Variants in MTA1 observed in about 807,000 individuals in gnomAD.
MTA1 encodes metastasis associated 1.
In MTA1, 15 loss-of-function variants were observed where a neutral mutation model predicts 97.0. The ratio of observed to expected loss-of-function variants is 0.15; its 90% confidence interval spans 0.10 to 0.24. MTA1 has a LOEUF of 0.24. Ranked by LOEUF, MTA1 falls within the 10% of genes least tolerant of loss-of-function variation. The pLI, the probability that MTA1 is intolerant of heterozygous loss-of-function variation, is 1.00. For missense variants in MTA1, 709 were observed against 1,015.1 expected (o/e 0.70, Z 4.10); for synonymous variants, 435 against 417.5 (o/e 1.04, Z -0.51).
At chr14:105,447,980 G>A (rs893800260) in intron 3 of MTA1, among the ~76,000 whole-genome samples, 2 of 152,172 alleles carry the variant, frequency 1.3e-5, no homozygotes, top group Non-Finnish European at 1.5e-5. Context: ...CTGCTGGGGC[G>A]TCCAGCCCAC....
intron 1 of MTA1, among the ~76,000 whole-genome samples, chr14:105,429,011 A>G (rs374478753): frequency 2.2e-4 from 33 of 152,324 alleles, no homozygotes; most frequent in Non-Finnish European, 3.8e-4. Flanking sequence ...GGCATGAGCC[A>G]TTGTGCCCAG....
At chr14:105,439,353 G>A (rs1329903077) in intron 2 of MTA1, among the ~76,000 whole-genome samples, 2 of 151,978 alleles carry the variant, frequency 1.3e-5, no homozygotes, top group Non-Finnish European at 2.9e-5. Context: ...TTTGGTCGGG[G>A]GACGTGGTTG....
At chr14:105,464,290 A>T (rs1241954754) in intron 13 of MTA1, 126 bp from the exon 14 acceptor site, 28 of 1,288,314 alleles carry the variant, frequency 2.2e-5, no homozygotes, top group South Asian at 2.8e-5. Context: ...TGTGGTTGGG[A>T]GAGCCTCGGG....
rs182113593 is a variant in MTA1 at position 105,452,401 on chromosome 14, G to A, written c.433-1792G>A. 6.2e-4 allele frequency among the ~76,000 whole-genome samples: 95 copies of A among 152,366 alleles called. 1 individual carries two copies. Among genetic ancestry groups the A allele is most frequent in the African/African-American group, 2.0e-3 (85 of 41,586 alleles). ...GTTTATTAATTTAAAGAAACAGGCC[G>A]GGTACAGTGGCTCATGCCTGTAATC... On this transcript the variant is annotated intron_variant, in intron 6 of 20. Coordinates refer to ENST00000331320, the MANE Select transcript of MTA1 (RefSeq NM_004689.4).
rs1002358145 is a variant in MTA1, at chr14:105,460,933, A to G, written c.922A>G (p.Thr308Ala). ...CCTGGAAAAATATGGGAAGGATTTC[A>G]CGGACATTCAGCAAGATTTTGTGAG... ...EALEKYGKDF[T>A]DIQQDFLPWK... Residue 308 changes from threonine (T) to alanine (A), a missense_variant, in exon 10 of 21, where the codon ACG becomes GCG. Physicochemically the swap from Thr to Ala is moderately conservative, Grantham distance 58. Transcript: ENST00000331320. 27 of 1,611,290 alleles carry G rather than the reference A, an allele frequency of 1.7e-5. No homozygotes were observed. The highest frequency in any genetic ancestry group is 2.3e-5 in the Non-Finnish European group (27 of 1,179,126).
Position 105,422,195 on chromosome 14 carries a change from T to G in MTA1, c.28+2132T>G, listed in dbSNP as rs950591280. 1.1e-4 allele frequency among the ~76,000 whole-genome samples: 17 copies of G among 152,030 alleles called. No individual in the cohort carries two copies. Among genetic ancestry groups the G allele is most frequent in the African/African-American group, 4.1e-4 (17 of 41,382 alleles). ...GGCCTCCCCCTCTCTACTCTGACTGTCCCTATAGGAGAAGCGGCATTTATC... is the reference window on the plus strand; with the variant it reads ...GGCCTCCCCCTCTCTACTCTGACTGGCCCTATAGGAGAAGCGGCATTTATC... On this transcript the variant is annotated intron_variant, in intron 1 of 20. Transcript: ENST00000331320. The surrounding 1 kb of genome is among the most constrained non-coding windows in gnomAD (Gnocchi z 4.3).
intron 1 of MTA1, among the ~76,000 whole-genome samples, chr14:105,429,855 C>T (rs2082128752): frequency 7.2e-6 from 1 of 139,820 alleles, no homozygotes; most frequent in Admixed American, 7.9e-5. Flanking sequence ...CTCTCGGGTT[C>T]AAGTGATTCT....
intron 8 of MTA1, among the ~76,000 whole-genome samples, chr14:105,459,112 G>A: frequency 8.6e-6 from 1 of 115,614 alleles, no homozygotes; most frequent in South Asian, 3.6e-4. Context: ...GGCACCTGGG[G>A]AGCTGTGTGC....
Position 105,460,962 on chromosome 14 carries a change from C to T in MTA1, c.942+9C>T, listed in dbSNP as rs782020294. On this transcript the variant is annotated intron_variant, in intron 10 of 20. Coordinates refer to ENST00000331320, the MANE Select transcript of MTA1 (RefSeq NM_004689.4). ...ACATTCAGCAAGATTTTGTGAGTAC[C>T]GTGGGTGGCGATGGGGGAGTGGCTG... is the stretch of plus-strand genomic sequence containing the variant. 2.2e-5 allele frequency: 35 copies of T among 1,603,334 alleles called. No individual in the cohort carries two copies. In the South Asian group the frequency reaches 3.0e-4, roughly 14 times the overall value.
At chr14:105,443,258 A>T (rs1335782396) in intron 2 of MTA1, among the ~76,000 whole-genome samples, 4 of 152,286 alleles carry the variant, frequency 2.6e-5, no homozygotes, top group Non-Finnish European at 5.9e-5. Flanking sequence ...GCAGATACAG[A>T]TGCGAAGGGG....
chr14:105,441,216 GC>G (rs1411411522), intron 2 of MTA1, among the ~76,000 whole-genome samples: 2 of 152,214 alleles, frequency 1.3e-5, no homozygotes, highest in African/African-American at 4.8e-5. Flanking sequence ...TCGTGCGGGG[GC>G]TGGAAGTGGG....
chr14:105,452,790 G>A (rs1167666557), intron 6 of MTA1, among the ~76,000 whole-genome samples: 5 of 152,284 alleles, frequency 3.3e-5, no homozygotes, highest in Admixed American at 1.3e-4. Context: ...AGCATGGCTC[G>A]TGGTCACACA....
chr14:105,464,334 C>A (rs1313777955), intron 13 of MTA1, 82 bp from the exon 14 acceptor site: 31 of 1,558,864 alleles, frequency 2.0e-5, no homozygotes, highest in Non-Finnish European at 2.4e-5. Flanking sequence ...GTGGGGGCGG[C>A]CGGCGTGGGG....
intron 5 of MTA1, 36 bp downstream of exon 5, chr14:105,450,220 G>T (rs1194392705): frequency 8.7e-6 from 14 of 1,610,994 alleles, no homozygotes; most frequent in Non-Finnish European, 1.2e-5. Context: ...GGCCCCTCGG[G>T]CTGCCCTCGC....
chr14:105,463,813 C>T lies in MTA1; in HGVS notation c.1077-219C>T, dbSNP rs988999144. 1 of 635,304 alleles carries T rather than the reference C, an allele frequency of 1.6e-6. No individual in the cohort carries two copies. The allele number at this position is 635,304 out of a possible 1,614,324, so 39.4% of individuals were successfully genotyped here. A position where few individuals can be genotyped will look rare whatever the true frequency, so the allele number is the denominator to read the frequency against. On this transcript the variant is annotated intron_variant, in intron 12 of 20. Transcript: ENST00000331320. The surrounding 1 kb of genome is among the most constrained non-coding windows in gnomAD (Gnocchi z 5.9). ...GCCAGGGTTCAGTCCCTGAGCTGGG[C>T]TCCATGCTAGGGGGAGCACGGGGGC...
chr14:105,454,762 A>ACGCC (rs2083078501), intron 7 of MTA1: 1 of 156,976 alleles, frequency 6.4e-6, no homozygotes, highest in Non-Finnish European at 1.4e-5. Flanking sequence ...GCCCGCCATC[A>ACGCC]CGCCCGGCTA....
At chr14:105,462,673 G>A (rs148294834) in intron 10 of MTA1, among the ~76,000 whole-genome samples, 1,681 of 150,302 alleles carry the variant, frequency 0.011, 15 homozygotes, top group Middle Eastern at 0.032. Context: ...GTTCGAGACC[G>A]GCCTGGCCAA....
chr14:105,457,589 G>A (rs2083200281), intron 7 of MTA1, among the ~76,000 whole-genome samples: 1 of 152,244 alleles, frequency 6.6e-6, no homozygotes, highest in Non-Finnish European at 1.5e-5. Flanking sequence ...CTGTGACGTG[G>A]CAGGGCCCTC....
chr14:105,464,652 G>A, intron 14 of MTA1, 22 bp from the exon 15 acceptor site: 1 of 1,604,728 alleles, frequency 6.2e-7, no homozygotes, highest in Non-Finnish European at 8.5e-7. Context: ...CTGTGTTGGG[G>A]CGGTTGCGCC....
Sources: allele counts gnomAD v4.1 joint callset (sites outside exome capture counted in the v4.1 genomes callset), GRCh38; gene constraint gnomAD v4.1.1; non-coding constraint Gnocchi (gnomAD v3.1); transcripts MANE v1.5; gene names NCBI Gene and HGNC (gene_info 2026-07-23, HGNC 2026-07-21).